PDE8A: variants seen among roughly 807,000 people sequenced by gnomAD.
PDE8A encodes high affinity cAMP-specific and IBMX-insensitive 3',5'-cyclic phosphodiesterase 8A.
Under a neutral mutation model 105.0 loss-of-function variants are expected in PDE8A, and 59 were observed. The observed-to-expected ratio is 0.56, with a 90% confidence interval of 0.46 to 0.70. The LOEUF is 0.70. PDE8A is among the 30% of genes least tolerant of loss of function. The pLI is 0.00. For synonymous variants in PDE8A, 355 were observed against 371.9 expected (o/e 0.95, Z 0.52); for missense variants, 1,014 against 1,045.9 (o/e 0.97, Z 0.42).
chr15:84,987,300 T>G (rs117006206), intron 1 of PDE8A, among the ~76,000 whole-genome samples: 2,031 of 152,270 alleles, frequency 0.013, 19 homozygotes, highest in Non-Finnish European at 0.02. Context: ...AGATAGACAT[T>G]GTCACAATTC....
At chr15:85,126,767 A>G (rs917450066) in intron 20 of PDE8A, among the ~76,000 whole-genome samples, 3 of 152,196 alleles carry the variant, frequency 2.0e-5, no homozygotes, top group African/African-American at 7.2e-5. Context: ...TACAGATTCA[A>G]GAAGCCCAGT....
In PDE8A at chr15:85,052,879, T is replaced by C. The variant is rs577292798; in HGVS notation, c.187-11491T>C. 4.7e-3 allele frequency among the ~76,000 whole-genome samples: 718 copies of C among 152,356 alleles called. 5 individuals are homozygous for C. Among genetic ancestry groups the C allele is most frequent in the Non-Finnish European group, 5.8e-3 (392 of 68,040 alleles). ...TTTGTTGCCATTGCTTTTGGTATTT[T>C]AGTCATGAAGTCCTTGCCCATGCCT... On this transcript the variant is annotated intron_variant, in intron 1 of 21. Transcript: ENST00000394553.
At chr15:85,009,288 T>C (rs1378648196) in intron 1 of PDE8A, among the ~76,000 whole-genome samples, 1 of 152,184 alleles carries the variant, frequency 6.6e-6, no homozygotes, top group Non-Finnish European at 1.5e-5. Context: ...GTAAGAGATG[T>C]AAAAACTAAA....
rs541386435 is a variant in PDE8A, at chr15:85,028,366, C to T, written c.187-36004C>T. Among the ~76,000 whole-genome samples the T allele has an allele frequency of 6.3e-4, 96 of 152,156 alleles. No homozygotes were observed. The South Asian group carries it at 0.012, about 19-fold the overall frequency. On this transcript the variant is annotated intron_variant, in intron 1 of 21. Coordinates refer to ENST00000394553, the MANE Select transcript of PDE8A (RefSeq NM_002605.3). Reference sequence around the variant, plus strand: ...AGTAGCTGGGACTACAGGTGTGTGCCGGCACAACTGGCTAATTATTTTATT... The same window carrying T: ...AGTAGCTGGGACTACAGGTGTGTGCTGGCACAACTGGCTAATTATTTTATT...
intron 1 of PDE8A, among the ~76,000 whole-genome samples, chr15:85,058,228 A>G (rs908945440): frequency 6.6e-6 from 1 of 152,132 alleles, no homozygotes; most frequent in Admixed American, 6.5e-5. Context: ...TTATAGGTGC[A>G]TACCACCATG....
intron 1 of PDE8A, among the ~76,000 whole-genome samples, chr15:85,045,769 A>G (rs2080877472): frequency 6.6e-6 from 1 of 152,166 alleles, no homozygotes; most frequent in Non-Finnish European, 1.5e-5. Flanking sequence ...AAGAACTGGT[A>G]TCTCCTGACT....
intron 1 of PDE8A, among the ~76,000 whole-genome samples, chr15:85,059,591 T>C (rs918911168): frequency 4.6e-5 from 7 of 152,376 alleles, no homozygotes; most frequent in Middle Eastern, 3.4e-3. Context: ...TTGTCTCTTA[T>C]AGCCTTTTTT....
At chr15:85,125,411 T>C (rs1329168713) in intron 19 of PDE8A, among the ~76,000 whole-genome samples, 1 of 152,108 alleles carries the variant, frequency 6.6e-6, no homozygotes, top group Non-Finnish European at 1.5e-5. Context: ...AGCCTACAAA[T>C]AGTGGTTCTA....
intron 20 of PDE8A, among the ~76,000 whole-genome samples, chr15:85,129,989 TG>T (rs1443983048): frequency 6.6e-6 from 1 of 152,228 alleles, no homozygotes; most frequent in African/African-American, 2.4e-5. Context: ...TACCTGAGGC[TG>T]GGTAATTTAT....
intron 7 of PDE8A, chr15:85,090,632 G>C (rs1386018970): frequency 6.1e-6 from 2 of 327,650 alleles, no homozygotes; most frequent in Non-Finnish European, 1.3e-5. Context: ...AGGTCAATGT[G>C]TGGAGGGGGA....
intron 19 of PDE8A, among the ~76,000 whole-genome samples, chr15:85,125,112 A>C (rs1382768034): frequency 1.3e-5 from 2 of 152,194 alleles, no homozygotes; most frequent in Non-Finnish European, 1.5e-5. Flanking sequence ...ACCTGGAGTG[A>C]GGAGAGCTAC....
chr15:85,101,908 A>T (rs1446789244), intron 11 of PDE8A, among the ~76,000 whole-genome samples: 1 of 152,194 alleles, frequency 6.6e-6, no homozygotes, highest in Non-Finnish European at 1.5e-5. Flanking sequence ...GTGGGCAGTC[A>T]GGTGGGTTTG....
At chr15:85,102,152 TG>T (rs1183732982) in intron 11 of PDE8A, among the ~76,000 whole-genome samples, 1 of 151,066 alleles carries the variant, frequency 6.6e-6, no homozygotes, top group African/African-American at 2.4e-5. Flanking sequence ...AGGGGTGAGG[TG>T]GATTCCTAGA....
intron 8 of PDE8A, 139 bp from the exon 9 acceptor site, chr15:85,097,809 C>T (rs1410369368): frequency 1.6e-6 from 1 of 615,824 alleles, no homozygotes; most frequent in Non-Finnish European, 2.9e-6. Flanking sequence ...TGTCCTATTA[C>T]CTGAAATCAG....
At chr15:85,092,659 T>C (rs8032301) in intron 8 of PDE8A, among the ~76,000 whole-genome samples, 74,943 of 151,766 alleles carry the variant, frequency 0.49, 18,986 homozygotes, top group African/African-American at 0.62. Context: ...TACACCTTGA[T>C]GTGGCAGAAC....
intron 8 of PDE8A, among the ~76,000 whole-genome samples, chr15:85,093,860 A>T (rs2081692911): frequency 7.1e-6 from 1 of 141,052 alleles, no homozygotes; most frequent in African/African-American, 2.8e-5. Flanking sequence ...TCTTTTAGAG[A>T]TCTTTTTTTT....
At chr15:85,036,606 TC>T (rs1371099316) in intron 1 of PDE8A, among the ~76,000 whole-genome samples, 1 of 152,028 alleles carries the variant, frequency 6.6e-6, no homozygotes, top group Non-Finnish European at 1.5e-5. Context: ...CTTAAGGAGT[TC>T]CTGCCCAAGA....
At chr15:84,989,553 C>T (rs551389318) in intron 1 of PDE8A, among the ~76,000 whole-genome samples, 8 of 152,254 alleles carry the variant, frequency 5.3e-5, no homozygotes, top group African/African-American at 1.9e-4. Context: ...GGAGGAGGAG[C>T]CAGAAGATGT....
At chr15:85,111,945 G>A (rs1439985681) in intron 12 of PDE8A, among the ~76,000 whole-genome samples, 1 of 152,142 alleles carries the variant, frequency 6.6e-6, no homozygotes, top group Non-Finnish European at 1.5e-5. Flanking sequence ...TGCTATTGTA[G>A]TGGTGTTACT....
Sources: allele counts gnomAD v4.1 joint callset (sites outside exome capture counted in the v4.1 genomes callset), GRCh38; gene constraint gnomAD v4.1.1; transcripts MANE v1.5; gene names NCBI Gene and HGNC (gene_info 2026-07-23, HGNC 2026-07-21).